Variants in SLC4A5 observed in about 807,000 individuals in gnomAD.
The protein encoded by SLC4A5 is solute carrier family 4 member 5, also known as electrogenic sodium bicarbonate cotransporter 4.
A neutral mutation model predicts 120.4 loss-of-function variants in SLC4A5; 96 were observed. The observed-to-expected ratio is 0.80, with a 90% confidence interval of 0.68 to 0.94. SLC4A5 has a LOEUF of 0.94. Among genes scored for constraint, SLC4A5 ranks in the 40% least tolerant of loss-of-function variants. SLC4A5 has a pLI of 0.00. For missense variants in SLC4A5, 1,259 were observed against 1,459.5 expected, an observed-to-expected ratio of 0.86 and a Z score of 2.24; for synonymous variants, 550 against 571.1, an observed-to-expected ratio of 0.96 and a Z score of 0.53.
At chr2:74,340,720 C>T (rs746430658) in intron 2 of SLC4A5, among the ~76,000 whole-genome samples, 3 of 152,144 alleles carry the variant, frequency 2.0e-5, no homozygotes, top group Non-Finnish European at 2.9e-5. Context: ...TTCTTCTCAC[C>T]TCTTCTCTTC....
intron 20 of SLC4A5, among the ~76,000 whole-genome samples, chr2:74,241,740 TCA>T (rs1670454675): frequency 1.3e-5 from 1 of 75,314 alleles, no homozygotes. Context: ...AGACCCTGTC[TCA>T]AAAAAAAAAA....
intron 25 of SLC4A5, among the ~76,000 whole-genome samples, chr2:74,230,966 C>T (rs569164090): frequency 2.2e-4 from 33 of 152,234 alleles, no homozygotes; most frequent in African/African-American, 7.9e-4. Flanking sequence ...GCCACCATGC[C>T]TGGTTAAGTT....
chr2:74,315,555 C>T (rs1672942039), intron 5 of SLC4A5, among the ~76,000 whole-genome samples: 1 of 150,562 alleles, frequency 6.6e-6, no homozygotes. Context: ...AAAGAGAGCA[C>T]ATATACTACG....
intron 7 of SLC4A5, among the ~76,000 whole-genome samples, chr2:74,301,956 A>T (rs1672486239): frequency 6.6e-6 from 1 of 152,166 alleles, no homozygotes; most frequent in African/African-American, 2.4e-5. Context: ...CATTTTGATA[A>T]TCTTAAAAAT....
intron 7 of SLC4A5, chr2:74,290,250 C>T (rs942964688): frequency 2.0e-5 from 20 of 985,490 alleles, no homozygotes; most frequent in Middle Eastern, 5.2e-4. Context: ...TTACCTGCTC[C>T]CTGGAACAGC....
intron 5 of SLC4A5, among the ~76,000 whole-genome samples, chr2:74,326,166 T>A (rs1052722555): frequency 2.6e-5 from 4 of 152,200 alleles, no homozygotes; most frequent in African/African-American, 9.7e-5. Context: ...TTAAAAACCC[T>A]CTTTTCTCTT....
intron 5 of SLC4A5, among the ~76,000 whole-genome samples, chr2:74,325,931 GAGGAAGGGAGA>G (rs1297430243): frequency 3.6e-4 from 54 of 151,308 alleles, no homozygotes; most frequent in African/African-American, 8.0e-4. Flanking sequence ...AGGAGGGGAG[GAGGAAGGGAGA>G]AGGAAGGGAG....
chr2:74,264,001 G>A, intron 10 of SLC4A5, 146 bp downstream of exon 10: 1 of 1,079,076 alleles, frequency 9.3e-7, no homozygotes, highest in Non-Finnish European at 1.3e-6. Flanking sequence ...GGTCCCCACA[G>A]GCCTGCCAGA....
rs373578427 is a variant in SLC4A5, at chr2:74,220,879, T to C, written c.*33+555A>G. 4.1e-3 allele frequency among the ~76,000 whole-genome samples: 602 copies of C among 146,320 alleles called. 6 individuals carry two copies. The highest frequency in any genetic ancestry group is 0.014 in the African/African-American group (529 of 38,294). ...TTTTTGAGATGGAGTCTCACTCTGTTGCCCAGGCTGGAGTGCAGTGGCGCG... is the reference window on the plus strand; with the variant it reads ...TTTTTGAGATGGAGTCTCACTCTGTCGCCCAGGCTGGAGTGCAGTGGCGCG... On this transcript the variant is annotated intron_variant, in intron 30 of 30. Transcript: ENST00000394019.
At chr2:74,250,623 C>T in intron 16 of SLC4A5, 106 bp from the exon 17 acceptor site, 1 of 1,360,952 alleles carries the variant, frequency 7.3e-7, no homozygotes, top group Non-Finnish European at 1.0e-6. Flanking sequence ...AGGAACTTGA[C>T]CAGGGTGGAT....
chr2:74,231,189 C>T (rs942281867), intron 25 of SLC4A5, 47 bp downstream of exon 25: 19 of 1,572,068 alleles, frequency 1.2e-5, no homozygotes, highest in African/African-American at 5.4e-5. Flanking sequence ...GGCATCCGCT[C>T]TGCTTTCTCA....
At chr2:74,302,695 C>A (rs1298816715) in intron 7 of SLC4A5, among the ~76,000 whole-genome samples, 1 of 152,206 alleles carries the variant, frequency 6.6e-6, no homozygotes. Flanking sequence ...CTTAACTGAA[C>A]AAGACACCAC....
At chr2:74,243,912 A>G (rs1204574913) in intron 19 of SLC4A5, among the ~76,000 whole-genome samples, 3 of 152,236 alleles carry the variant, frequency 2.0e-5, no homozygotes, top group South Asian at 2.1e-4. Flanking sequence ...ATTCATAAAT[A>G]GAATACAAAT....
chr2:74,321,656 A>T (rs1314454784), intron 5 of SLC4A5, among the ~76,000 whole-genome samples: 1 of 151,886 alleles, frequency 6.6e-6, no homozygotes, highest in East Asian at 1.9e-4. Flanking sequence ...TCAGTAAGGG[A>T]AAAAGGGAGA....
At chr2:74,233,343 CTCTT>C in intron 23 of SLC4A5, 55 bp downstream of exon 23, 1 of 1,592,376 alleles carries the variant, frequency 6.3e-7, no homozygotes, top group Non-Finnish European at 8.6e-7. Flanking sequence ...CCTTCCTTCG[CTCTT>C]TCTGACTTTG....
At chr2:74,231,753 A>G (rs1229337841) in intron 24 of SLC4A5, among the ~76,000 whole-genome samples, 1 of 152,222 alleles carries the variant, frequency 6.6e-6, no homozygotes, top group Non-Finnish European at 1.5e-5. Flanking sequence ...GTGGGGCACA[A>G]TGAATGAGGA....
chr2:74,320,431 T>G (rs11898353), intron 5 of SLC4A5, among the ~76,000 whole-genome samples: 1 of 152,086 alleles, frequency 6.6e-6, no homozygotes, highest in Non-Finnish European at 1.5e-5. Flanking sequence ...ACCAAGAATC[T>G]GAAACAAGAA....
intron 7 of SLC4A5, among the ~76,000 whole-genome samples, chr2:74,295,186 G>A (rs557276328): frequency 6.6e-6 from 1 of 151,856 alleles, no homozygotes; most frequent in Admixed American, 6.6e-5. Context: ...GAGAAGCAAG[G>A]AGATACGAGG....
At chr2:74,330,699 G>A (rs1455105033) in intron 4 of SLC4A5, among the ~76,000 whole-genome samples, 1 of 151,532 alleles carries the variant, frequency 6.6e-6, no homozygotes, top group Non-Finnish European at 1.5e-5. Flanking sequence ...TGTAGGTGGT[G>A]AGGTATAGGT....
Sources: gnomAD v4.1 joint callset for allele counts (sites outside exome capture counted in the v4.1 genomes callset) on GRCh38, gnomAD v4.1.1 for gene constraint, MANE v1.5 for transcripts, NCBI Gene and HGNC (gene_info 2026-07-23, HGNC 2026-07-21) for gene names.